FKTN: variants seen among roughly 807,000 people sequenced by gnomAD.
The protein encoded by FKTN is fukutin.
FKTN carries 47 observed loss-of-function variants against 58.6 expected under a neutral mutation model. The ratio of observed to expected loss-of-function variants is 0.80; its 90% CI spans 0.63 to 1.02. The LOEUF is 1.02. Among genes scored for constraint, FKTN ranks in the 50% least tolerant of loss-of-function variants. The pLI, the probability that FKTN is intolerant of heterozygous loss-of-function variation, is 0.00. For synonymous variants in FKTN, 178 were observed against 191.9 expected, an observed-to-expected ratio of 0.93 and a Z score of 0.60; for missense variants, 516 against 537.3, an observed-to-expected ratio of 0.96 and a Z score of 0.39.
Position 105,638,535 on chromosome 9 carries a change from C to T in FKTN, c.*3271C>T, listed in dbSNP as rs1395107074. On this transcript the variant is annotated 3_prime_UTR_variant, in exon 11 of 11. Coordinates refer to ENST00000357998, the MANE Select transcript of FKTN (RefSeq NM_001079802.2). ...TCCCAAGGGAACCATCAGCACCAAC[C>T]TGCTAAATGCCTGTATTTGAAGTCT... 3 of 985,284 alleles carry T rather than the reference C, an allele frequency of 3.0e-6. No individual in the cohort carries two copies. The highest frequency in any genetic ancestry group is 4.7e-5 in the South Asian group (1 of 21,288). 61.0% of individuals were successfully genotyped at this position (985,284 alleles called of 1,614,324 possible).
chr9:105,575,204 C>A, intron 3 of FKTN, 67 bp downstream of exon 3: 1 of 923,306 alleles, frequency 1.1e-6, no homozygotes, highest in Non-Finnish European at 1.8e-6. Flanking sequence ...GATCACACTT[C>A]TCTTTGCAAT....
In FKTN at chr9:105,575,030, CTAA is replaced by C. The variant is rs1180986256; in HGVS notation, c.-1_2del. 3 of 1,526,928 alleles carry C rather than the reference CTAA, an allele frequency of 2.0e-6. No individual in the cohort carries two copies. Among genetic ancestry groups the C allele is most frequent in the East Asian group, 2.3e-5 (1 of 44,418 alleles). The allele number at this position is 1,526,928 out of a possible 1,614,324, so 94.6% of individuals were successfully genotyped here. A position where few individuals can be genotyped will look rare whatever the true frequency, so the allele number is the denominator to read the frequency against. On this transcript the variant is annotated start_lost and 5_prime_UTR_variant, in exon 3 of 11. Coordinates refer to ENST00000357998, the MANE Select transcript of FKTN (RefSeq NM_001079802.2). ...AAGACAACCAAGTGAGCAGCACAGA[CTAA>C]TGAGTAGAATCAATAAGAACGTGGT...
intron 10 of FKTN, among the ~76,000 whole-genome samples, chr9:105,628,769 G>C (rs978604711): frequency 5.9e-5 from 9 of 152,126 alleles, no homozygotes; most frequent in Non-Finnish European, 1.2e-4. Flanking sequence ...GCAATAACAT[G>C]GATGAATTTC....
At chr9:105,609,945 C>T (rs1438556001) in intron 7 of FKTN, among the ~76,000 whole-genome samples, 1 of 152,142 alleles carries the variant, frequency 6.6e-6, no homozygotes, top group Admixed American at 6.5e-5. Flanking sequence ...TTGTTTTCCT[C>T]ATTACATTTT....
At chr9:105,631,947 T>A (rs1404046328) in intron 10 of FKTN, among the ~76,000 whole-genome samples, 1 of 150,192 alleles carries the variant, frequency 6.7e-6, no homozygotes, top group African/African-American at 2.5e-5. Context: ...TAAATCATGC[T>A]GCTATAAAGA....
At chr9:105,575,166 C>G (rs1564214153) in intron 3 of FKTN, 29 bp downstream of exon 3, 1 of 1,152,728 alleles carries the variant, frequency 8.7e-7, no homozygotes, top group Non-Finnish European at 1.3e-6. Flanking sequence ...TCTTATCATT[C>G]CTCCTTTCTT....
intron 3 of FKTN, among the ~76,000 whole-genome samples, chr9:105,586,020 A>C (rs757993374): frequency 6.6e-6 from 1 of 152,160 alleles, no homozygotes; most frequent in Non-Finnish European, 1.5e-5. Context: ...CCATGGTAAG[A>C]AGGACTGCAA....
chr9:105,635,678 A>C lies in FKTN; in HGVS notation c.*414A>C. The C allele has an allele frequency of 9.4e-7, 1 of 1,058,270 alleles. No homozygotes were observed. The highest frequency in any genetic ancestry group is 1.1e-6 in the Non-Finnish European group (1 of 875,162). The allele number at this position is 1,058,270 out of a possible 1,614,324, so 65.6% of individuals were successfully genotyped here. ...ATATACTAGTTGAAAAGAATAACCC[A>C]CTCCTCTTCTGGGCATTTAAGCTGG... On this transcript the variant is annotated 3_prime_UTR_variant, in exon 11 of 11. Coordinates refer to ENST00000357998, the MANE Select transcript of FKTN (RefSeq NM_001079802.2).
At chr9:105,571,126 A>C (rs1425126549) in intron 1 of FKTN, among the ~76,000 whole-genome samples, 1 of 152,208 alleles carries the variant, frequency 6.6e-6, no homozygotes, top group Non-Finnish European at 1.5e-5. Flanking sequence ...TCTGTCAGCA[A>C]CTTGATACAT....
At position 105,570,599 on chromosome 9, in the gene FKTN, T is replaced by A. The variant is rs547148446; in HGVS notation, c.-180-3056T>A. Among the ~76,000 whole-genome samples the A allele has an allele frequency of 2.8e-4, 42 of 152,172 alleles. 1 individual carries two copies. Among genetic ancestry groups the A allele is most frequent in the Admixed American group, 6.5e-5 (1 of 15,272 alleles). ...TCACTCTCTCCACCACTATCACTACTGCCCTTCTTCTTTTGAAAACTCCTG... is the reference window on the plus strand; with the variant it reads ...TCACTCTCTCCACCACTATCACTACAGCCCTTCTTCTTTTGAAAACTCCTG... On this transcript the variant is annotated intron_variant, in intron 1 of 10. Transcript: ENST00000357998.
intron 3 of FKTN, among the ~76,000 whole-genome samples, chr9:105,588,631 T>C (rs1844327208): frequency 6.6e-6 from 1 of 152,234 alleles, no homozygotes; most frequent in Non-Finnish European, 1.5e-5. Flanking sequence ...TTCATAACTT[T>C]TCTGTTCTCT....
Position 105,638,158 on chromosome 9 carries a change from C to T in FKTN, c.*2894C>T. The T allele has an allele frequency of 5.1e-6, 5 of 985,196 alleles. No individual in the cohort carries two copies. Among genetic ancestry groups the T allele is most frequent in the Non-Finnish European group, 6.0e-6 (5 of 829,824 alleles). 61.0% of individuals were successfully genotyped at this position (985,196 alleles called of 1,614,324 possible). A position where few individuals can be genotyped will look rare whatever the true frequency, so the allele number is the denominator to read the frequency against. On this transcript the variant is annotated 3_prime_UTR_variant, in exon 11 of 11. Transcript: ENST00000357998. ...AACAAGAACAGCTGAGGCTAAAACC[C>T]AAGACTGCCGTGACTCCTAGTCCAA...
At chr9:105,608,026 G>C in intron 7 of FKTN, 75 bp downstream of exon 7, 1 of 1,216,890 alleles carries the variant, frequency 8.2e-7, no homozygotes, top group Non-Finnish European at 1.2e-6. Context: ...AGGGTGGTAA[G>C]ATGAAGGGGC....
At chr9:105,618,400 A>T (rs933925679) in intron 9 of FKTN, among the ~76,000 whole-genome samples, 4 of 152,194 alleles carry the variant, frequency 2.6e-5, no homozygotes, top group Non-Finnish European at 5.9e-5. Flanking sequence ...CTATTATATT[A>T]GGCAACAATG....
rs1208065205 is a variant in FKTN, at chr9:105,634,757, CTT to C, written c.1173-292_1173-291del. ...GTTCCAACAGAAAGCCCAAGGCTGA[CTT>C]TGATTTGCCTGACTTGGGTATGTTC... On this transcript the variant is annotated intron_variant, in intron 10 of 10. Coordinates refer to ENST00000357998, the MANE Select transcript of FKTN (RefSeq NM_001079802.2). Among the ~76,000 whole-genome samples, 3 of 152,190 alleles carry C rather than the reference CTT, an allele frequency of 2.0e-5. No homozygotes were observed. The South Asian group carries it at 6.2e-4, about 31-fold the overall frequency.
chr9:105,601,008 T>G, intron 4 of FKTN, 137 bp from the exon 5 acceptor site: 1 of 623,334 alleles, frequency 1.6e-6, no homozygotes, highest in Admixed American at 2.7e-5. Flanking sequence ...TCATTTGTAT[T>G]TTTTAGCACA....
At chr9:105,563,915 C>T (rs1473190386) in intron 1 of FKTN, among the ~76,000 whole-genome samples, 3 of 152,252 alleles carry the variant, frequency 2.0e-5, no homozygotes, top group Admixed American at 6.5e-5. Context: ...TAGGGGCAGA[C>T]TGACACCTCA....
intron 1 of FKTN, among the ~76,000 whole-genome samples, chr9:105,564,022 G>A (rs1838868526): frequency 6.6e-6 from 1 of 152,194 alleles, no homozygotes; most frequent in South Asian, 2.1e-4. Context: ...AGCCTCTGCT[G>A]ATACCCAGGC....
At chr9:105,562,876 C>A (rs1158393663) in intron 1 of FKTN, among the ~76,000 whole-genome samples, 2 of 152,192 alleles carry the variant, frequency 1.3e-5, no homozygotes, top group Non-Finnish European at 2.9e-5. Flanking sequence ...AGTCGGGGAT[C>A]CCACAGCATA....
Sources: gnomAD v4.1 joint callset for allele counts (sites outside exome capture counted in the v4.1 genomes callset) on GRCh38, gnomAD v4.1.1 for gene constraint, MANE v1.5 for transcripts, NCBI Gene and HGNC (gene_info 2026-07-23, HGNC 2026-07-21) for gene names.